Variants in EFNA5 observed in about 807,000 individuals in gnomAD.
The protein encoded by EFNA5 is ephrin A5.
EFNA5 carries 5 observed loss-of-function variants against 22.9 expected under a neutral mutation model. The observed-to-expected ratio is 0.22, with a 90% CI of 0.11 to 0.46. The LOEUF (loss-of-function observed/expected upper bound fraction) is 0.46. EFNA5 is among the 20% of genes least tolerant of loss of function. EFNA5 has a pLI of 0.99. For synonymous variants in EFNA5, 113 were observed against 112.2 expected, an observed-to-expected ratio of 1.01 and a Z score of -0.04; for missense variants, 237 against 293.3, an observed-to-expected ratio of 0.81 and a Z score of 1.40.
At chr5:107,406,385 G>T (rs1246520264) in intron 2 of EFNA5, among the ~76,000 whole-genome samples, 4 of 151,840 alleles carry the variant, frequency 2.6e-5, no homozygotes, top group African/African-American at 9.7e-5. Context: ...AGGCCTTCTT[G>T]GTGCTTCTCC....
chr5:107,588,616 G>A (rs997801471), intron 1 of EFNA5, among the ~76,000 whole-genome samples: 7 of 152,286 alleles, frequency 4.6e-5, no homozygotes, highest in African/African-American at 1.7e-4. Context: ...TTCATTGCCT[G>A]GGTTGTAGAA....
intron 1 of EFNA5, among the ~76,000 whole-genome samples, chr5:107,633,401 C>T (rs1321532476): frequency 6.6e-6 from 1 of 152,202 alleles, no homozygotes; most frequent in African/African-American, 2.4e-5. Context: ...TGACAAGATG[C>T]CAAGTAAGCC....
At chr5:107,459,042 C>T (rs1038303300) in intron 1 of EFNA5, among the ~76,000 whole-genome samples, 1 of 152,046 alleles carries the variant, frequency 6.6e-6, no homozygotes, top group African/African-American at 2.4e-5. Flanking sequence ...TGTTCTTTAA[C>T]TTAAGGAGCA....
chr5:107,564,807 A>T (rs1329622406), intron 1 of EFNA5, among the ~76,000 whole-genome samples: 5 of 152,182 alleles, frequency 3.3e-5, no homozygotes, highest in Non-Finnish European at 7.3e-5. Flanking sequence ...ACATTAAATT[A>T]TATCACTGTC....
intron 1 of EFNA5, among the ~76,000 whole-genome samples, chr5:107,508,689 G>A (rs1464262164): frequency 6.6e-6 from 1 of 152,136 alleles, no homozygotes; most frequent in African/African-American, 2.4e-5. Context: ...TGTAAGTCAA[G>A]CTTGAACCAT....
At chr5:107,640,976 G>GTAGATAGA (rs55898305) in intron 1 of EFNA5, among the ~76,000 whole-genome samples, 7,580 of 145,468 alleles carry the variant, frequency 0.052, 220 homozygotes, top group South Asian at 0.086. Context: ...AGGTAGGCAG[G>GTAGATAGA]TAGATAGATA....
intron 1 of EFNA5, among the ~76,000 whole-genome samples, chr5:107,540,728 C>T (rs1384990725): frequency 6.6e-6 from 1 of 152,136 alleles, no homozygotes; most frequent in African/African-American, 2.4e-5. Context: ...TAAAAATGTT[C>T]ACAGATTTTG....
At chr5:107,499,952 A>G (rs1340821602) in intron 1 of EFNA5, among the ~76,000 whole-genome samples, 1 of 152,234 alleles carries the variant, frequency 6.6e-6, no homozygotes, top group Non-Finnish European at 1.5e-5. Context: ...CATGGGTCAC[A>G]GTCTCAGTTC....
At chr5:107,482,832 GTC>G (rs59574940) in intron 1 of EFNA5, among the ~76,000 whole-genome samples, 15,017 of 90,632 alleles carry the variant, frequency 0.17, 1,060 homozygotes, top group Non-Finnish European at 0.22. Context: ...CTCTGTCTCT[GTC>G]TCTCTCTCTC....
At chr5:107,447,672 C>A (rs1346810773) in intron 1 of EFNA5, among the ~76,000 whole-genome samples, 1 of 152,142 alleles carries the variant, frequency 6.6e-6, no homozygotes, top group Admixed American at 6.5e-5. Flanking sequence ...AGAGCCAGCA[C>A]TTGCAGGATG....
Position 107,379,982 on chromosome 5 carries a change from C to G in EFNA5, c.*1273G>C, listed in dbSNP as rs1036821194. ...CACAGATAAACACATGTTCCCCCTA[C>G]GCTTTAGGCTGTGTCAGAAAGGGAA... is the stretch of plus-strand genomic sequence containing the variant. On this transcript the variant is annotated 3_prime_UTR_variant, in exon 5 of 5. Transcript: ENST00000333274. 17 of 152,132 alleles carry G rather than the reference C, an allele frequency of 1.1e-4. No homozygotes were observed. The highest frequency in any genetic ancestry group is 2.1e-4 in the Non-Finnish European group (14 of 68,038). 9.4% of individuals were successfully genotyped at this position (152,132 alleles called of 1,614,324 possible).
At chr5:107,573,187 A>T (rs1334489122) in intron 1 of EFNA5, among the ~76,000 whole-genome samples, 1 of 151,910 alleles carries the variant, frequency 6.6e-6, no homozygotes, top group East Asian at 1.9e-4. Context: ...CCTCAATCTC[A>T]TGTCTGTTCC....
chr5:107,432,919 C>A (rs1749001943), intron 1 of EFNA5, among the ~76,000 whole-genome samples: 1 of 152,042 alleles, frequency 6.6e-6, no homozygotes, highest in Admixed American at 6.6e-5. Context: ...AGGATGAAGA[C>A]CTTTAGGATT....
At chr5:107,406,049 A>G (rs1318316253) in intron 2 of EFNA5, among the ~76,000 whole-genome samples, 5 of 99,036 alleles carry the variant, frequency 5.0e-5, no homozygotes, top group African/African-American at 1.8e-4. Flanking sequence ...ATTTGTATAC[A>G]TATTCTATGT....
At position 107,670,634 on chromosome 5, in the gene EFNA5, GC is replaced by G; in HGVS notation, c.-22del. On this transcript the variant is annotated 5_prime_UTR_variant, in exon 1 of 5. Coordinates refer to ENST00000333274, the MANE Select transcript of EFNA5 (RefSeq NM_001962.3). ...AACATCACGCCTGGCCAGCGGCGGAGCCCCCGACGCGCCACTCCGGGGAGAG... is the reference window on the plus strand; with the variant it reads ...AACATCACGCCTGGCCAGCGGCGGAGCCCCGACGCGCCACTCCGGGGAGAG... 1 of 1,596,134 alleles carries G rather than the reference GC, an allele frequency of 6.3e-7. No homozygotes were observed.
At chr5:107,420,546 A>AAAAAAAAAAAAAAAAAC in intron 2 of EFNA5, among the ~76,000 whole-genome samples, 1 of 105,444 alleles carries the variant, frequency 9.5e-6, no homozygotes, top group African/African-American at 2.9e-5. Context: ...AAAAAGAAAA[A>AAAAAAAAAAAAAAAAAC]AAAAAAAGAA....
rs1484265200 is a variant in EFNA5 at position 107,604,319 on chromosome 5, A to G, written c.125+66170T>C. Among the ~76,000 whole-genome samples the G allele has an allele frequency of 2.0e-5, 3 of 151,920 alleles. 1 individual carries two copies. The East Asian group carries it at 5.8e-4, about 29-fold the overall frequency. On this transcript the variant is annotated intron_variant, in intron 1 of 4. Transcript: ENST00000333274. ...CTCAGCCTCCCGAGTAGCTGGGACC[A>G]TGTATGGGCTTGCACCTGGCTCTGA...
intron 1 of EFNA5, among the ~76,000 whole-genome samples, chr5:107,462,703 T>C (rs1204724135): frequency 6.6e-6 from 1 of 152,166 alleles, no homozygotes; most frequent in Non-Finnish European, 1.5e-5. Context: ...TGTGGGACAG[T>C]GCTACTCAGA....
chr5:107,542,091 T>TA (rs796522309), intron 1 of EFNA5, among the ~76,000 whole-genome samples: 1 of 152,196 alleles, frequency 6.6e-6, no homozygotes, highest in South Asian at 2.1e-4. Flanking sequence ...TGATTATATT[T>TA]AACTCTTCTA....
Sources: gnomAD v4.1 joint callset for allele counts (sites outside exome capture counted in the v4.1 genomes callset) on GRCh38, gnomAD v4.1.1 for gene constraint, MANE v1.5 for transcripts, NCBI Gene and HGNC (gene_info 2026-07-23, HGNC 2026-07-21) for gene names.